Variants in DICER1 observed in about 807,000 individuals in gnomAD.
DICER1 encodes endoribonuclease Dicer.
A neutral mutation model predicts 194.1 loss-of-function variants in DICER1; 43 were observed. The ratio of observed to expected loss-of-function variants is 0.22; its 90% confidence interval spans 0.17 to 0.29. DICER1 has a LOEUF of 0.29. Among genes scored for constraint, DICER1 ranks in the 10% least tolerant of loss-of-function variants. DICER1 has a pLI of 1.00. For missense variants in DICER1, 1,608 were observed against 2,317.0 expected (o/e 0.69, Z 6.28); for synonymous variants, 832 against 820.5 (o/e 1.01, Z -0.24).
chr14:95,093,402 T>A (rs554827324), intron 24 of DICER1, among the ~76,000 whole-genome samples: 1 of 152,336 alleles, frequency 6.6e-6, no homozygotes. Flanking sequence ...CAAATTCCAA[T>A]GGTCAAAAAT....
In DICER1 at chr14:95,108,650, T is replaced by C. The variant is rs944561445; in HGVS notation, c.2257-147A>G. 8.8e-6 allele frequency: 7 copies of C among 799,518 alleles called. No individual in the cohort carries two copies. The Admixed American group carries it at 1.0e-4, about 11-fold the overall frequency. 49.5% of individuals were successfully genotyped at this position (799,518 alleles called of 1,614,324 possible). A position where few individuals can be genotyped will look rare whatever the true frequency, so the allele number is the denominator to read the frequency against. ...TACCCGAGGCATGACACTTCTTAAT[T>C]ACTTAACCCTGCTGGGTAAGTCAGC... On this transcript the variant is annotated intron_variant, in intron 14 of 26. Transcript: ENST00000343455.
At chr14:95,136,107 A>ACACACC (rs1412962204) in intron 1 of DICER1, among the ~76,000 whole-genome samples, 1 of 151,948 alleles carries the variant, frequency 6.6e-6, no homozygotes, top group African/African-American at 2.4e-5. Flanking sequence ...ACACACACAC[A>ACACACC]CACACACACA....
intron 11 of DICER1, among the ~76,000 whole-genome samples, chr14:95,115,283 CA>C (rs969477672): frequency 6.2e-4 from 95 of 152,038 alleles, no homozygotes; most frequent in African/African-American, 2.2e-3. Context: ...ACAATGTACC[CA>C]AAAACATAAA....
At chr14:95,116,357 A>G in intron 10 of DICER1, 96 bp downstream of exon 10, 3 of 1,429,394 alleles carry the variant, frequency 2.1e-6, no homozygotes, top group Non-Finnish European at 2.9e-6. Context: ...TGTAGATAAA[A>G]CTCATTATCT....
intron 5 of DICER1, 87 bp downstream of exon 5, chr14:95,129,971 T>C (rs1893811200): frequency 1.1e-5 from 14 of 1,244,852 alleles, no homozygotes; most frequent in East Asian, 2.5e-5. Flanking sequence ...TGATAACTAA[T>C]ATTATTGCTT....
chr14:95,113,442 G>C (rs1892162034), intron 11 of DICER1, among the ~76,000 whole-genome samples: 1 of 152,234 alleles, frequency 6.6e-6, no homozygotes. Flanking sequence ...GCCCAACAGG[G>C]CAGTGGCTGG....
chr14:95,143,820 T>C (rs1276863006), intron 1 of DICER1, among the ~76,000 whole-genome samples: 3 of 152,192 alleles, frequency 2.0e-5, no homozygotes, highest in African/African-American at 7.2e-5. Flanking sequence ...TTCCCTAACA[T>C]TAGCTTTTTT....
chr14:95,090,827 C>T, intron 26 of DICER1, 164 bp from the exon 27 acceptor site: 2 of 992,690 alleles, frequency 2.0e-6, no homozygotes, highest in Non-Finnish European at 3.1e-6. Context: ...CCCCGACAGA[C>T]AGGGCTGCCG....
Position 95,096,698 on chromosome 14 carries a change from G to A in DICER1, c.4222C>T (p.Leu1408=), listed in dbSNP as rs1015236844. The change falls in exon 23 of 27, where the codon CTG becomes TTG. Residue 1408 remains leucine, a synonymous_variant. Coordinates refer to ENST00000343455, the MANE Select transcript of DICER1 (RefSeq NM_177438.3). The stretch of plus-strand genomic sequence containing the variant: ...TCCTCATCCAGTTTGCCATTCGCCA[G>A]CATGCAGTCTTTTGTCTGAAACGAG... ...EKDEMTKDCM[L]ANGKLDEDYE... is the part of the protein sequence containing the mutation. The A allele has an allele frequency of 4.3e-6, 7 of 1,609,214 alleles. No individual in the cohort carries two copies. The African/African-American group carries it at 9.4e-5, about 22-fold the overall frequency.
chr14:95,111,214 G>GT lies in DICER1; in HGVS notation c.2256+102dup, dbSNP rs1383520138. On this transcript the variant is annotated intron_variant, in intron 14 of 26. Transcript: ENST00000343455. ...GCTGAGATCCAGAGTGGGCCAAACT[G>GT]TAAGGGTGTGGGAAGCCAGCCAAGC... is the stretch of plus-strand genomic sequence containing the variant. 140 of 1,380,256 alleles carry GT rather than the reference G, an allele frequency of 1.0e-4. 2 individuals carry two copies. The South Asian group carries it at 1.6e-3, about 16-fold the overall frequency. The allele number at this position is 1,380,256 out of a possible 1,614,324, so 85.5% of individuals were successfully genotyped here. A position where few individuals can be genotyped will look rare whatever the true frequency, so the allele number is the denominator to read the frequency against.
intron 10 of DICER1, among the ~76,000 whole-genome samples, chr14:95,116,162 A>G (rs541175735): frequency 6.6e-6 from 1 of 152,316 alleles, no homozygotes; most frequent in Admixed American, 6.5e-5. Context: ...AGCAGTCAAC[A>G]GTTACTGTCC....
At chr14:95,092,346 A>C (rs1889921643) in intron 24 of DICER1, among the ~76,000 whole-genome samples, 1 of 152,234 alleles carries the variant, frequency 6.6e-6, no homozygotes, top group Non-Finnish European at 1.5e-5. Context: ...ATAATCAGGC[A>C]AATTTAACTA....
chr14:95,095,617 A>G, intron 23 of DICER1: 1 of 618,528 alleles, frequency 1.6e-6, no homozygotes, highest in Non-Finnish European at 2.9e-6. Context: ...TGATAGCCAT[A>G]CTCCCAACAA....
intron 1 of DICER1, among the ~76,000 whole-genome samples, chr14:95,146,289 G>A (rs892315840): frequency 3.9e-5 from 6 of 152,232 alleles, no homozygotes; most frequent in Non-Finnish European, 8.8e-5. Flanking sequence ...ACTTTCCTCT[G>A]ATTGATCCTC....
chr14:95,119,234 A>C (rs1241885962), intron 8 of DICER1, among the ~76,000 whole-genome samples: 2 of 152,242 alleles, frequency 1.3e-5, no homozygotes, highest in Admixed American at 6.5e-5. Context: ...TAAATTATCC[A>C]TCTGGCAGAC....
chr14:95,090,111 G>C lies in DICER1; in HGVS notation c.*387C>G, dbSNP rs1181884760. 2.6e-6 allele frequency: 1 copy of C among 388,400 alleles called. No individual in the cohort carries two copies. Among genetic ancestry groups the C allele is most frequent in the African/African-American group, 2.1e-5 (1 of 48,276 alleles). 24.1% of individuals were successfully genotyped at this position (388,400 alleles called of 1,614,324 possible). Reference sequence around the variant, plus strand: ...ATGGAGAAGAATCTACATCATCCTAGGGACTGCTGGAGGTTTAAGCTCCAT... The same window carrying C: ...ATGGAGAAGAATCTACATCATCCTACGGACTGCTGGAGGTTTAAGCTCCAT... On this transcript the variant is annotated 3_prime_UTR_variant, in exon 27 of 27. Coordinates refer to ENST00000343455, the MANE Select transcript of DICER1 (RefSeq NM_177438.3).
In DICER1 at chr14:95,157,386, T is replaced by G. The variant is rs1184984202; in HGVS notation, c.-202A>C. The G allele has an allele frequency of 6.5e-6, 1 of 152,912 alleles. No homozygotes were observed. Among genetic ancestry groups the G allele is most frequent in the Non-Finnish European group, 1.5e-5 (1 of 68,568 alleles). 9.5% of individuals were successfully genotyped at this position (152,912 alleles called of 1,614,324 possible). On this transcript the variant is annotated 5_prime_UTR_variant, in exon 1 of 27. The change abolishes an upstream ATG in the 5' untranslated region. Transcript: ENST00000343455. ...TCGTCCCCGCTGTCAGGTTACTCCATTCACCTGGGCCTGCAGCAGCCTGCG... is the reference window on the plus strand; with the variant it reads ...TCGTCCCCGCTGTCAGGTTACTCCAGTCACCTGGGCCTGCAGCAGCCTGCG...
chr14:95,137,496 G>A (rs1303437513), intron 1 of DICER1, among the ~76,000 whole-genome samples: 1 of 140,390 alleles, frequency 7.1e-6, no homozygotes, highest in Non-Finnish European at 1.5e-5. Flanking sequence ...GGAAGGGGAA[G>A]GGAAAGGGGA....
At chr14:95,153,148 C>T (rs889256336) in intron 1 of DICER1, among the ~76,000 whole-genome samples, 7 of 150,478 alleles carry the variant, frequency 4.7e-5, no homozygotes, top group Admixed American at 6.6e-5. Context: ...GCCCAGGAGG[C>T]GGAGCTTGCC....
Sources: allele counts gnomAD v4.1 joint callset (sites outside exome capture counted in the v4.1 genomes callset), GRCh38; gene constraint gnomAD v4.1.1; transcripts MANE v1.5; gene names NCBI Gene and HGNC (gene_info 2026-07-23, HGNC 2026-07-21).